Variants in SLC39A9 observed in about 807,000 individuals in gnomAD.
SLC39A9 encodes the protein zinc transporter ZIP9.
In SLC39A9, 14 loss-of-function variants were observed where a neutral mutation model predicts 28.4. The observed-to-expected ratio is 0.49, with a 90% confidence interval of 0.33 to 0.77. SLC39A9 has a LOEUF of 0.77. Among genes scored for constraint, SLC39A9 ranks in the 30% least tolerant of loss-of-function variants. The pLI, the probability that SLC39A9 is intolerant of heterozygous loss-of-function variation, is 0.02. For synonymous variants in SLC39A9, 119 were observed against 149.6 expected (o/e 0.80, Z 1.49); for missense variants, 283 against 381.1 (o/e 0.74, Z 2.14).
intron 1 of SLC39A9, among the ~76,000 whole-genome samples, chr14:69,405,902 T>A (rs533569094): frequency 3.3e-5 from 5 of 152,318 alleles, no homozygotes; most frequent in Admixed American, 3.3e-4. Context: ...ATCTTATTAA[T>A]CCTCAGGACC....
intron 1 of SLC39A9, among the ~76,000 whole-genome samples, chr14:69,406,848 GTT>G (rs398025544): frequency 2.1e-5 from 2 of 95,888 alleles, no homozygotes; most frequent in African/African-American, 4.2e-5. Flanking sequence ...GAAATTCTTT[GTT>G]TTTTTTTTTT....
chr14:69,454,684 A>T, intron 4 of SLC39A9, 128 bp from the exon 5 acceptor site: 4 of 620,064 alleles, frequency 6.5e-6, no homozygotes, highest in Non-Finnish European at 1.1e-5. Flanking sequence ...TAAGGCTGGC[A>T]TGTAGAAAGG....
At chr14:69,407,040 C>T (rs1882956913) in intron 1 of SLC39A9, among the ~76,000 whole-genome samples, 1 of 151,342 alleles carries the variant, frequency 6.6e-6, no homozygotes, top group Non-Finnish European at 1.5e-5. Context: ...TTAGTAGAGA[C>T]AAGGTTTCAC....
intron 2 of SLC39A9, among the ~76,000 whole-genome samples, chr14:69,431,459 T>G (rs58307456): frequency 0.058 from 8,778 of 151,810 alleles, 850 homozygotes; most frequent in African/African-American, 0.2. Flanking sequence ...ATTATGAGAT[T>G]GATTAGGGAT....
intron 2 of SLC39A9, among the ~76,000 whole-genome samples, chr14:69,430,978 A>G (rs2140283130): frequency 6.6e-6 from 1 of 152,260 alleles, no homozygotes; most frequent in Admixed American, 6.5e-5. Context: ...TTGCCTTTCC[A>G]TAAACATTTT....
rs975273155 is a variant in SLC39A9 at position 69,461,677 on chromosome 14, T to A, written c.*3084T>A. The A allele has an allele frequency of 6.5e-7, 1 of 1,535,946 alleles. No individual in the cohort carries two copies. The highest frequency in any genetic ancestry group is 8.7e-7 in the Non-Finnish European group (1 of 1,146,846). ...CAGCCTACTTCTAAGTGTCACTGCC[T>A]GGTTTTTCTCTTTTTCAAGGATTAG... On this transcript the variant is annotated 3_prime_UTR_variant, in exon 7 of 7. Transcript: ENST00000336643.
At chr14:69,418,662 T>C (rs1883709104) in intron 1 of SLC39A9, among the ~76,000 whole-genome samples, 1 of 152,192 alleles carries the variant, frequency 6.6e-6, no homozygotes, top group Non-Finnish European at 1.5e-5. Context: ...TGGTAGGCTA[T>C]TAATTATTGC....
At chr14:69,455,652 A>AC (rs1391776606) in intron 5 of SLC39A9, 80 bp from the exon 6 acceptor site, 3 of 1,553,168 alleles carry the variant, frequency 1.9e-6, no homozygotes, top group Non-Finnish European at 2.6e-6. Flanking sequence ...GAGAAATCAT[A>AC]GTCAAATGGC....
chr14:69,454,234 G>T (rs964733983), intron 4 of SLC39A9, among the ~76,000 whole-genome samples: 3 of 152,162 alleles, frequency 2.0e-5, no homozygotes, highest in Non-Finnish European at 2.9e-5. Context: ...TACTTATTAA[G>T]TAGTAATCAT....
chr14:69,431,961 T>C (rs1282941241), intron 2 of SLC39A9, among the ~76,000 whole-genome samples: 1 of 152,214 alleles, frequency 6.6e-6, no homozygotes, highest in Non-Finnish European at 1.5e-5. Context: ...CAGTCCACCG[T>C]TGATGGGCAA....
intron 1 of SLC39A9, among the ~76,000 whole-genome samples, chr14:69,418,803 T>C (rs1478336838): frequency 6.6e-6 from 1 of 152,346 alleles, no homozygotes; most frequent in East Asian, 1.9e-4. Context: ...CGTAGAGGTG[T>C]GTATAGTATT....
At chr14:69,429,237 G>C (rs528581182) in intron 2 of SLC39A9, 2 of 152,114 alleles carry the variant, frequency 1.3e-5, no homozygotes, top group East Asian at 3.9e-4. Context: ...ACTTGATAGA[G>C]CTTATGTTCA....
chr14:69,407,302 C>CCCTTCCTT lies in SLC39A9; in HGVS notation c.96+7858_96+7865dup, dbSNP rs774804877. On this transcript the variant is annotated intron_variant, in intron 1 of 6. Transcript: ENST00000336643. ...TTTCCTTTCCTTCCTTCCCTTCCTTCCCTTCCTTCCTTCCTTCCTTCCTTC... is the reference window on the plus strand; with the variant it reads ...TTTCCTTTCCTTCCTTCCCTTCCTTCCCTTCCTTCCTTCCTTCCTTCCTTCCTTCCTTC... Among the ~76,000 whole-genome samples, 1,137 of 143,926 alleles carry CCCTTCCTT rather than the reference C, an allele frequency of 7.9e-3. 18 individuals carry two copies. Among genetic ancestry groups the CCCTTCCTT allele is most frequent in the African/African-American group, 0.028 (1,087 of 39,352 alleles). The allele number at this position is 143,926 out of a possible 152,430, so 94.4% of individuals were successfully genotyped here. A position where few individuals can be genotyped will look rare whatever the true frequency, so the allele number is the denominator to read the frequency against.
At chr14:69,420,801 G>A (rs1054628207) in intron 1 of SLC39A9, among the ~76,000 whole-genome samples, 1 of 152,134 alleles carries the variant, frequency 6.6e-6, no homozygotes, top group Non-Finnish European at 1.5e-5. Flanking sequence ...TGAAGCTTGT[G>A]CATGTGTCAC....
chr14:69,424,305 A>G, intron 2 of SLC39A9, 103 bp downstream of exon 2: 1 of 821,558 alleles, frequency 1.2e-6, no homozygotes, highest in Middle Eastern at 2.5e-4. Flanking sequence ...TGTTTACCAT[A>G]GAGTTCTACC....
At chr14:69,421,431 A>G (rs1302700589) in intron 1 of SLC39A9, among the ~76,000 whole-genome samples, 1 of 152,222 alleles carries the variant, frequency 6.6e-6, no homozygotes, top group Non-Finnish European at 1.5e-5. Flanking sequence ...ACCGGGAGGT[A>G]TCTCCCACTT....
intron 1 of SLC39A9, among the ~76,000 whole-genome samples, chr14:69,417,123 T>C (rs1883620853): frequency 6.6e-6 from 1 of 152,246 alleles, no homozygotes; most frequent in Non-Finnish European, 1.5e-5. Context: ...TTTAAGTCTT[T>C]AATCCATCTT....
At chr14:69,411,593 A>G (rs1883267323) in intron 1 of SLC39A9, among the ~76,000 whole-genome samples, 1 of 152,168 alleles carries the variant, frequency 6.6e-6, no homozygotes, top group Non-Finnish European at 1.5e-5. Flanking sequence ...TTCTCCATTT[A>G]AATAAACTTT....
chr14:69,458,808 T>C lies in SLC39A9; in HGVS notation c.*215T>C. The C allele has an allele frequency of 3.1e-6, 4 of 1,294,616 alleles. No individual in the cohort carries two copies. The highest frequency in any genetic ancestry group is 3.9e-6 in the Non-Finnish European group (4 of 1,021,726). 80.2% of individuals were successfully genotyped at this position (1,294,616 alleles called of 1,614,324 possible). ...GTTGCAGTTAGCTATAGACATCCCA[T>C]TGTGTTATCTTTTAAAAGGCCCTTG... On this transcript the variant is annotated 3_prime_UTR_variant, in exon 7 of 7. Coordinates refer to ENST00000336643, the MANE Select transcript of SLC39A9 (RefSeq NM_018375.5).
Sources: gnomAD v4.1 joint callset for allele counts (sites outside exome capture counted in the v4.1 genomes callset) on GRCh38, gnomAD v4.1.1 for gene constraint, MANE v1.5 for transcripts, NCBI Gene and HGNC (gene_info 2026-07-23, HGNC 2026-07-21) for gene names.